ABCA13: variants seen among roughly 807,000 people sequenced by gnomAD.
The protein encoded by ABCA13 is ATP binding cassette subfamily A member 13.
A neutral mutation model predicts 478.7 loss-of-function variants in ABCA13; 476 were observed. That is an observed-to-expected ratio of 0.99 (90% CI 0.92 to 1.07). The LOEUF (loss-of-function observed/expected upper bound fraction) is 1.07. Ranked by LOEUF, ABCA13 falls within the 50% of genes least tolerant of loss-of-function variation. The pLI is 0.00. For missense variants in ABCA13, 6,060 were observed against 5,910.6 expected (o/e 1.03, Z -0.83); for synonymous variants, 2,252 against 2,158.9 (o/e 1.04, Z -1.20).
Position 48,229,857 on chromosome 7 carries a change from T to C in ABCA13, c.665T>C (p.Leu222Pro). Residue 222 changes from leucine to proline, a missense_variant, in exon 7 of 62, where the codon CTT becomes CCT. Around this residue, in one of 3 missense-constraint regions of ABCA13, gnomAD observed 4,423 missense variants for 4,309.1 expected, o/e 1.03. Coordinates refer to ENST00000435803, the MANE Select transcript of ABCA13 (RefSeq NM_152701.5). ...ATATCCCTAGAAGATTTAGATTGGC[T>C]TCCACTCAACCAAACTTTTTCCCAG... ...SLISLEDLDW[L>P]PLNQTFSQVS... The C allele has an allele frequency of 6.2e-7, 1 of 1,614,046 alleles. No individual in the cohort carries two copies. The highest frequency in any genetic ancestry group is 8.5e-7 in the Non-Finnish European group (1 of 1,179,890).
At chr7:48,406,357 A>G (rs1174680814) in intron 39 of ABCA13, among the ~76,000 whole-genome samples, 9 of 152,212 alleles carry the variant, frequency 5.9e-5, no homozygotes, top group Non-Finnish European at 1.0e-4. Context: ...CTCATTTGCA[A>G]ATAGAGACAA....
chr7:48,608,229 G>A (rs1008134541), intron 58 of ABCA13, among the ~76,000 whole-genome samples: 1 of 152,186 alleles, frequency 6.6e-6, no homozygotes, highest in African/African-American at 2.4e-5. Context: ...TTTATGCATA[G>A]GCTAGTTGCT....
intron 51 of ABCA13, among the ~76,000 whole-genome samples, chr7:48,512,606 A>T (rs753648220): frequency 2.0e-5 from 3 of 152,220 alleles, no homozygotes; most frequent in Non-Finnish European, 2.9e-5. Context: ...TTGCTATAAA[A>T]TTATTTTTGA....
chr7:48,288,303 T>C (rs1055540162), intron 20 of ABCA13, among the ~76,000 whole-genome samples: 1 of 152,162 alleles, frequency 6.6e-6, no homozygotes, highest in Admixed American at 6.5e-5. Flanking sequence ...AGAGATCGGA[T>C]TGTTAAATTT....
At chr7:48,612,924 C>G (rs946203469) in intron 58 of ABCA13, among the ~76,000 whole-genome samples, 8 of 151,548 alleles carry the variant, frequency 5.3e-5, no homozygotes, top group Admixed American at 4.6e-4. Context: ...AAATAAAAAC[C>G]CCTCGTTTTT....
intron 45 of ABCA13, among the ~76,000 whole-genome samples, chr7:48,480,720 C>T (rs531483106): frequency 2.6e-5 from 4 of 152,186 alleles, no homozygotes; most frequent in Non-Finnish European, 5.9e-5. Flanking sequence ...CTTTCAGGTT[C>T]GTCAAATGCA....
intron 35 of ABCA13, among the ~76,000 whole-genome samples, chr7:48,382,111 C>T (rs11770049): frequency 6.6e-6 from 1 of 152,142 alleles, no homozygotes; most frequent in African/African-American, 2.4e-5. Flanking sequence ...ACGTTTGTTT[C>T]TACTTCCCAT....
At chr7:48,582,903 G>A (rs1788838015) in intron 56 of ABCA13, among the ~76,000 whole-genome samples, 1 of 152,104 alleles carries the variant, frequency 6.6e-6, no homozygotes, top group Non-Finnish European at 1.5e-5. Flanking sequence ...AATTAACCTT[G>A]TAAAGCATGT....
intron 51 of ABCA13, among the ~76,000 whole-genome samples, chr7:48,513,836 T>A (rs1195345457): frequency 2.6e-5 from 4 of 152,162 alleles, no homozygotes; most frequent in Non-Finnish European, 5.9e-5. Context: ...TAAAGATAAC[T>A]AATGAAAATG....
chr7:48,537,146 G>T (rs1051219217), intron 55 of ABCA13, among the ~76,000 whole-genome samples: 1 of 151,870 alleles, frequency 6.6e-6, no homozygotes, highest in Non-Finnish European at 1.5e-5. Context: ...AATTATTTTT[G>T]CTTTTCAAAT....
In ABCA13 at chr7:48,245,877, T is replaced by A. The variant is rs536409099; in HGVS notation, c.1506T>A (p.Asn502Lys). 1 of 1,612,922 alleles carries A rather than the reference T, an allele frequency of 6.2e-7. No homozygotes were observed. The highest frequency in any genetic ancestry group is 1.7e-5 in the Admixed American group (1 of 59,866). ...FWELKQMLAK[N>K]AVCPNGRFSE... ...TAATCTTTTAGATGTTGGCGAAGAATGCTGTCTGCCCGAATGGTCGTTTCT... is the reference window on the plus strand; with the variant it reads ...TAATCTTTTAGATGTTGGCGAAGAAAGCTGTCTGCCCGAATGGTCGTTTCT... The change falls in exon 13 of 62, where the codon AAT (asparagine) becomes AAA (lysine). Residue 502 changes from asparagine (N) to lysine (K), a missense_variant. This residue lies in a region of ABCA13 where 4,423 missense variants were observed against 4,309.1 expected (regional missense o/e 1.03). Transcript: ENST00000435803.
intron 42 of ABCA13, among the ~76,000 whole-genome samples, chr7:48,434,492 T>C (rs117928387): frequency 0.014 from 2,071 of 152,030 alleles, 17 homozygotes; most frequent in Non-Finnish European, 0.019. Context: ...GTTTTTCTTG[T>C]ACTAAAGTTT....
intron 1 of ABCA13, among the ~76,000 whole-genome samples, chr7:48,177,310 A>T (rs1407222505): frequency 6.6e-6 from 1 of 152,196 alleles, no homozygotes; most frequent in Non-Finnish European, 1.5e-5. Flanking sequence ...TCTCTCTCAT[A>T]GTCAGGTTGG....
At chr7:48,616,973 G>T (rs1417339477) in intron 59 of ABCA13, among the ~76,000 whole-genome samples, 1 of 152,308 alleles carries the variant, frequency 6.6e-6, no homozygotes, top group Admixed American at 6.5e-5. Flanking sequence ...GATCGAGGCT[G>T]CAGTAAGCCA....
rs577805510 is a variant in ABCA13, at chr7:48,426,411, G to C, written c.12460-1355G>C. 9.5e-4 allele frequency among the ~76,000 whole-genome samples: 144 copies of C among 152,282 alleles called. 2 individuals carry two copies. In the South Asian group the frequency reaches 0.023, roughly 25 times the overall value. The stretch of plus-strand genomic sequence containing the variant: ...CCCCCATCTTTCCCTGTGGTTAGGG[G>C]CTCCTCAGGAACATCTAGAGACAGT... On this transcript the variant is annotated intron_variant, in intron 41 of 61. Coordinates refer to ENST00000435803, the MANE Select transcript of ABCA13 (RefSeq NM_152701.5).
At chr7:48,198,575 C>T (rs913775076) in intron 3 of ABCA13, among the ~76,000 whole-genome samples, 3 of 152,236 alleles carry the variant, frequency 2.0e-5, no homozygotes, top group Non-Finnish European at 2.9e-5. Context: ...TTGCGGGACT[C>T]ACAGAGTAAT....
intron 27 of ABCA13, among the ~76,000 whole-genome samples, chr7:48,318,585 G>A (rs894885811): frequency 1.3e-5 from 2 of 151,480 alleles, no homozygotes; most frequent in South Asian, 4.2e-4. Context: ...CTTTCAGAGG[G>A]GTATTTGCCA....
intron 31 of ABCA13, among the ~76,000 whole-genome samples, chr7:48,362,983 A>G (rs777136295): frequency 6.6e-6 from 1 of 152,242 alleles, no homozygotes; most frequent in Non-Finnish European, 1.5e-5. Context: ...TCATTTCTGC[A>G]TTTCAGGGAA....
chr7:48,458,007 G>C (rs10256255), intron 43 of ABCA13, among the ~76,000 whole-genome samples: 28,605 of 152,074 alleles, frequency 0.19, 3,113 homozygotes, highest in African/African-American at 0.3. Context: ...CATTTTATGG[G>C]TGCTATAACT....
Sources: allele counts gnomAD v4.1 joint callset (sites outside exome capture counted in the v4.1 genomes callset), GRCh38; gene constraint gnomAD v4.1.1; regional missense constraint gnomAD v4.1.1; transcripts MANE v1.5; gene names NCBI Gene and HGNC (gene_info 2026-07-23, HGNC 2026-07-21).